Variants in MAN1C1 observed in about 807,000 individuals in gnomAD.
The protein encoded by MAN1C1 is mannosyl-oligosaccharide 1,2-alpha-mannosidase IC.
Under a neutral mutation model 71.5 loss-of-function variants are expected in MAN1C1, and 49 were observed. That is an observed-to-expected ratio of 0.69 (90% confidence interval 0.54 to 0.87). The LOEUF (loss-of-function observed/expected upper bound fraction) is 0.87. Among genes scored for constraint, MAN1C1 ranks in the 40% least tolerant of loss-of-function variants. MAN1C1 has a pLI of 0.00. For missense variants in MAN1C1, 743 were observed against 835.0 expected, an observed-to-expected ratio of 0.89 and a Z score of 1.36; for synonymous variants, 352 against 343.7, an observed-to-expected ratio of 1.02 and a Z score of -0.27.
Position 25,753,463 on chromosome 1 carries a change from CT to C in MAN1C1, c.835-18del, listed in dbSNP as rs749655967. 6.3e-7 allele frequency: 1 copy of C among 1,599,014 alleles called. No homozygotes were observed. The highest frequency in any genetic ancestry group is 1.1e-5 in the South Asian group (1 of 90,152). On this transcript the variant is annotated intron_variant, in intron 4 of 11. Transcript: ENST00000374332. The surrounding 1 kb of genome is among the most constrained non-coding windows in gnomAD (Gnocchi z 4.9). ...CTCACCCAGCCTGGAGTCAAAAGCC[CT>C]TTGATCCCCTCCTTTACAGGTGTTC...
chr1:25,729,634 C>A (rs1269093306), intron 2 of MAN1C1, among the ~76,000 whole-genome samples: 1 of 152,078 alleles, frequency 6.6e-6, no homozygotes, highest in Admixed American at 6.5e-5. Context: ...GCCTCAGCCT[C>A]CCGAGTAGCT....
chr1:25,721,726 T>A (rs1239080508), intron 2 of MAN1C1, among the ~76,000 whole-genome samples: 2 of 152,252 alleles, frequency 1.3e-5, no homozygotes, highest in Non-Finnish European at 2.9e-5. Flanking sequence ...TCGTTTTACT[T>A]CCTTCTTTCT....
intron 2 of MAN1C1, among the ~76,000 whole-genome samples, chr1:25,707,344 AG>A (rs1333232165): frequency 6.6e-6 from 1 of 152,220 alleles, no homozygotes. Flanking sequence ...GAGCCCAGGT[AG>A]GGGGGCTTTA....
chr1:25,713,622 T>G (rs1557776121), intron 2 of MAN1C1, among the ~76,000 whole-genome samples: 1 of 152,106 alleles, frequency 6.6e-6, no homozygotes, highest in African/African-American at 2.4e-5. Flanking sequence ...GACATGGAGT[T>G]TATATAGGAC....
chr1:25,636,001 C>T (rs2045454911), intron 1 of MAN1C1, among the ~76,000 whole-genome samples: 1 of 152,132 alleles, frequency 6.6e-6, no homozygotes, highest in Admixed American at 6.5e-5. Flanking sequence ...GACCGTGATG[C>T]CCACCTGAGC....
intron 2 of MAN1C1, among the ~76,000 whole-genome samples, chr1:25,740,166 G>C (rs2047041346): frequency 1.3e-5 from 2 of 152,158 alleles, no homozygotes; most frequent in African/African-American, 4.8e-5. Flanking sequence ...AGAAGACAAG[G>C]AGACAGTGAG....
At chr1:25,766,316 G>A (rs2047425948) in intron 7 of MAN1C1, among the ~76,000 whole-genome samples, 1 of 151,952 alleles carries the variant, frequency 6.6e-6, no homozygotes, top group Non-Finnish European at 1.5e-5. Context: ...TGGTGCCCGG[G>A]GTCATCTCAG....
chr1:25,618,400 G>C lies in MAN1C1; in HGVS notation c.540+63G>C. ...CCCCTCTAAGGAGAGAAGACCCTCT[G>C]GCGCTCCCACCCCTTTCCCTTGCCT... On this transcript the variant is annotated intron_variant, in intron 1 of 11. Coordinates refer to ENST00000374332, the MANE Select transcript of MAN1C1 (RefSeq NM_020379.4). 6 of 1,483,092 alleles carry C rather than the reference G, an allele frequency of 4.0e-6. No homozygotes were observed. In the South Asian group the frequency reaches 7.5e-5, roughly 18 times the overall value. 91.9% of individuals were successfully genotyped at this position (1,483,092 alleles called of 1,614,324 possible). A position where few individuals can be genotyped will look rare whatever the true frequency, so the allele number is the denominator to read the frequency against.
intron 1 of MAN1C1, among the ~76,000 whole-genome samples, chr1:25,650,137 AC>A (rs2045671660): frequency 1.3e-5 from 2 of 152,180 alleles, no homozygotes; most frequent in South Asian, 4.1e-4. Context: ...GCTCTGCACC[AC>A]TGACTGGGGC....
At chr1:25,672,013 G>A (rs1397013286) in intron 1 of MAN1C1, among the ~76,000 whole-genome samples, 1 of 152,218 alleles carries the variant, frequency 6.6e-6, no homozygotes, top group Admixed American at 6.5e-5. Context: ...AAGCAGAGAA[G>A]CCAGTAGCAT....
chr1:25,656,811 A>G (rs2045774061), intron 1 of MAN1C1, among the ~76,000 whole-genome samples: 1 of 150,618 alleles, frequency 6.6e-6, no homozygotes, highest in Admixed American at 6.6e-5. Flanking sequence ...AGATGGAAAG[A>G]TAGACCAACC....
intron 6 of MAN1C1, chr1:25,760,406 A>G (rs887684225): frequency 6.6e-6 from 1 of 152,164 alleles, no homozygotes; most frequent in African/African-American, 2.4e-5. Flanking sequence ...TCTGGAGTCC[A>G]TCCGTCTATC....
intron 1 of MAN1C1, among the ~76,000 whole-genome samples, chr1:25,632,733 A>T (rs2045400896): frequency 6.6e-6 from 1 of 151,966 alleles, no homozygotes; most frequent in South Asian, 2.1e-4. Flanking sequence ...TCTTGATTTT[A>T]TTGTTAACCC....
At chr1:25,772,559 T>C (rs2047567694) in intron 8 of MAN1C1, among the ~76,000 whole-genome samples, 1 of 152,130 alleles carries the variant, frequency 6.6e-6, no homozygotes, top group African/African-American at 2.4e-5. Context: ...AGTTTCCCCA[T>C]AAAGCAAGTT....
rs1272267119 is a variant in MAN1C1 at position 25,753,218 on chromosome 1, G to A, written c.835-266G>A. 6.6e-6 allele frequency among the ~76,000 whole-genome samples: 1 copy of A among 151,982 alleles called. No homozygotes were observed. The highest frequency in any genetic ancestry group is 6.6e-5 in the Admixed American group (1 of 15,254). ...GTCCTGACACTGTGGTAGATGCTTT[G>A]CCACAATTATCTAATTTTCATTTCT... is the stretch of plus-strand genomic sequence containing the variant. On this transcript the variant is annotated intron_variant, in intron 4 of 11. Transcript: ENST00000374332. This position sits in a 1 kb window ranked among gnomAD's most constrained non-coding sequence, Gnocchi z 4.9.
intron 2 of MAN1C1, among the ~76,000 whole-genome samples, chr1:25,705,230 T>A (rs1308317606): frequency 6.6e-6 from 1 of 152,164 alleles, no homozygotes; most frequent in Non-Finnish European, 1.5e-5. Flanking sequence ...TGCGTTCCCA[T>A]ACAGATGAAC....
rs1203000559 is a variant in MAN1C1 at position 25,616,799 on chromosome 1, C to A, written c.-999C>A. On this transcript the variant is annotated 5_prime_UTR_variant, in exon 1 of 12. Coordinates refer to ENST00000374332, the MANE Select transcript of MAN1C1 (RefSeq NM_020379.4). This position sits in a 1 kb window ranked among gnomAD's most constrained non-coding sequence, Gnocchi z 5.6. ...GCGGCGGGCGCTGTCGCAGTGAAAG[C>A]CCGAGCGGCGGCGGCGGCGGGGACG... Among the ~76,000 whole-genome samples the A allele has an allele frequency of 4.1e-5, 6 of 146,810 alleles. No individual in the cohort carries two copies. The highest frequency in any genetic ancestry group is 3.2e-3 in the Middle Eastern group (1 of 312).
At position 25,746,425 on chromosome 1, in the gene MAN1C1, C is replaced by T. The variant is rs1035252481; in HGVS notation, c.638-243C>T. Among the ~76,000 whole-genome samples, 11 of 152,234 alleles carry T rather than the reference C, an allele frequency of 7.2e-5. No individual in the cohort carries two copies. The highest frequency in any genetic ancestry group is 2.2e-4 in the African/African-American group (9 of 41,462). ...GACCGAGTCTGGGAAGTGGCTCAGC[C>T]TGGGCCCTCGGTCTCTCTGGCCGCT... On this transcript the variant is annotated intron_variant, in intron 2 of 11. Coordinates refer to ENST00000374332, the MANE Select transcript of MAN1C1 (RefSeq NM_020379.4). This position sits in a 1 kb window ranked among gnomAD's most constrained non-coding sequence, Gnocchi z 4.0.
rs190807925 is a variant in MAN1C1, at chr1:25,769,420, C to T, written c.1142-2237C>T. 1.3e-5 allele frequency among the ~76,000 whole-genome samples: 2 copies of T among 152,020 alleles called. No homozygotes were observed. Among genetic ancestry groups the T allele is most frequent in the Admixed American group, 1.3e-4 (2 of 15,290 alleles). On this transcript the variant is annotated intron_variant, in intron 7 of 11. Transcript: ENST00000374332. The surrounding 1 kb of genome is among the most constrained non-coding windows in gnomAD (Gnocchi z 4.8). ...ACACACACACACACAAGCTGTAAAG[C>T]AGTGGGACTTTCACATGTGAGATGC... is the stretch of plus-strand genomic sequence containing the variant.
Sources: gnomAD v4.1 joint callset for allele counts (sites outside exome capture counted in the v4.1 genomes callset) on GRCh38, gnomAD v4.1.1 for gene constraint, Gnocchi (gnomAD v3.1) non-coding constraint, MANE v1.5 for transcripts, NCBI Gene and HGNC (gene_info 2026-07-23, HGNC 2026-07-21) for gene names.